PRDM1: variants seen among roughly 807,000 people sequenced by gnomAD.
The protein encoded by PRDM1 is PR domain zinc finger protein 1.
PRDM1 carries 13 observed loss-of-function variants against 62.8 expected under a neutral mutation model. The observed-to-expected ratio is 0.21, with a 90% CI of 0.13 to 0.33. The LOEUF (loss-of-function observed/expected upper bound fraction) is 0.33. Ranked by LOEUF, PRDM1 falls within the 10% of genes least tolerant of loss-of-function variation. The pLI is 1.00. For missense variants in PRDM1, 895 were observed against 1,058.8 expected, an observed-to-expected ratio of 0.85 and a Z score of 2.15; for synonymous variants, 396 against 417.6, an observed-to-expected ratio of 0.95 and a Z score of 0.63.
intron 3 of PRDM1, chr6:106,098,881 G>T: frequency 6.6e-7 from 1 of 1,511,774 alleles, no homozygotes; most frequent in Non-Finnish European, 8.9e-7. Flanking sequence ...TCGTCAGCCG[G>T]CTTGGTCTTC....
Position 106,109,296 on chromosome 6 carries a change from A to AT in PRDM1, c.*1820dup, listed in dbSNP as rs550792360. 2.6e-3 allele frequency: 546 copies of AT among 214,110 alleles called. No individual in the cohort carries two copies. The highest frequency in any genetic ancestry group is 7.6e-3 in the Middle Eastern group (5 of 656). The allele number at this position is 214,110 out of a possible 1,614,324, so 13.3% of individuals were successfully genotyped here. A position where few individuals can be genotyped will look rare whatever the true frequency, so the allele number is the denominator to read the frequency against. ...ATTAAGGACCATCTAAGACAGCTCT[A>AT]TTTTTTTTTTGCCACTTTATGATTA... On this transcript the variant is annotated 3_prime_UTR_variant, in exon 7 of 7. Coordinates refer to ENST00000369096, the MANE Select transcript of PRDM1 (RefSeq NM_001198.4).
intron 1 of PRDM1, among the ~76,000 whole-genome samples, chr6:105,999,768 T>G (rs1772405326): frequency 6.6e-6 from 1 of 152,226 alleles, no homozygotes; most frequent in Non-Finnish European, 1.5e-5. Flanking sequence ...TAAATGATAT[T>G]TGCAAAAATA....
At chr6:106,031,260 A>G (rs1582432132) in intron 1 of PRDM1, among the ~76,000 whole-genome samples, 1 of 152,304 alleles carries the variant, frequency 6.6e-6, no homozygotes, top group East Asian at 1.9e-4. Context: ...GCAGCTTGAG[A>G]TGTACAGAAA....
chr6:106,096,740 C>G (rs1160675568), intron 3 of PRDM1, among the ~76,000 whole-genome samples: 1 of 152,108 alleles, frequency 6.6e-6, no homozygotes, highest in Non-Finnish European at 1.5e-5. Flanking sequence ...TAGATGGAAT[C>G]CTTGAATAAA....
intron 1 of PRDM1, among the ~76,000 whole-genome samples, chr6:105,997,016 G>A (rs1473504679): frequency 6.6e-6 from 1 of 152,146 alleles, no homozygotes; most frequent in African/African-American, 2.4e-5. Flanking sequence ...ATCTGCCCTG[G>A]ACTACACACT....
chr6:106,102,628 A>C (rs1774305461), intron 4 of PRDM1, among the ~76,000 whole-genome samples: 2 of 152,234 alleles, frequency 1.3e-5, no homozygotes, highest in South Asian at 2.1e-4. Flanking sequence ...ACTTAAGAAG[A>C]ATCCCTGGCT....
intron 1 of PRDM1, chr6:106,072,232 G>A (rs1042400583): frequency 6.6e-6 from 1 of 152,216 alleles, no homozygotes; most frequent in Non-Finnish European, 1.5e-5. Context: ...GAAAAGAGAA[G>A]AGAAGTAAGG....
chr6:106,028,036 A>G (rs543324749), intron 1 of PRDM1, among the ~76,000 whole-genome samples: 1 of 152,338 alleles, frequency 6.6e-6, no homozygotes, highest in East Asian at 1.9e-4. Context: ...GCTCTTCTGC[A>G]TTCCTCTTCT....
chr6:106,042,892 C>A (rs193123910), intron 1 of PRDM1, among the ~76,000 whole-genome samples: 1 of 152,212 alleles, frequency 6.6e-6, no homozygotes, highest in Non-Finnish European at 1.5e-5. Context: ...CTCTTGTCAC[C>A]TAGGCTGGAA....
chr6:106,015,871 G>A (rs1772612931), intron 1 of PRDM1, among the ~76,000 whole-genome samples: 2 of 151,802 alleles, frequency 1.3e-5, no homozygotes, highest in South Asian at 4.2e-4. Flanking sequence ...CCATCTTCAA[G>A]TATGCTATTC....
rs1299824422 is a variant in PRDM1, at chr6:106,022,544, C to A, written c.-67+28905C>A. On this transcript the variant is annotated intron_variant, in intron 1 of 6. Coordinates refer to the PRDM1 transcript ENST00000652320. ...CTTGGGTTCAATTCTCCTGCCTCAG[C>A]CTCTCAAGTAGCTGGGGTTACAGGC... 8.6e-5 allele frequency among the ~76,000 whole-genome samples: 13 copies of A among 151,940 alleles called. 1 individual carries two copies. Among genetic ancestry groups the A allele is most frequent in the Admixed American group, 8.5e-4 (13 of 15,254 alleles).
intron 1 of PRDM1, among the ~76,000 whole-genome samples, chr6:106,014,058 ATTTT>A (rs71006664): frequency 4.8e-5 from 5 of 105,094 alleles, no homozygotes; most frequent in Non-Finnish European, 5.4e-5. Flanking sequence ...AGGACAAGGA[ATTTT>A]TTTTTTTTTT....
At chr6:105,993,362 T>C (rs1175273141), upstream of PRDM1, among the ~76,000 whole-genome samples, 1 of 152,214 alleles carries the variant, frequency 6.6e-6, no homozygotes, top group Non-Finnish European at 1.5e-5. Flanking sequence ...TTAAGCCACC[T>C]CTGGGTAGGC....
At chr6:106,055,336 G>A (rs1773247207) in intron 1 of PRDM1, among the ~76,000 whole-genome samples, 1 of 152,088 alleles carries the variant, frequency 6.6e-6, no homozygotes, top group Non-Finnish European at 1.5e-5. Context: ...ATTACTTTGG[G>A]AAGATACATA....
At chr6:106,053,479 T>A (rs906166322) in intron 1 of PRDM1, among the ~76,000 whole-genome samples, 1 of 151,758 alleles carries the variant, frequency 6.6e-6, no homozygotes, top group African/African-American at 2.4e-5. Context: ...GACCCCAATT[T>A]AGAAATACAT....
At chr6:106,001,733 C>T (rs1772426913) in intron 1 of PRDM1, among the ~76,000 whole-genome samples, 2 of 152,046 alleles carry the variant, frequency 1.3e-5, no homozygotes, top group Admixed American at 6.6e-5. Context: ...GAGAACATTG[C>T]TGTATGTCTT....
chr6:106,051,624 G>A (rs939364474), intron 1 of PRDM1, among the ~76,000 whole-genome samples: 7 of 152,204 alleles, frequency 4.6e-5, no homozygotes, highest in African/African-American at 7.2e-5. Flanking sequence ...TAGGATAGCT[G>A]GCATAACTTT....
chr6:106,098,813 G>A (rs1774183051), intron 3 of PRDM1: 2 of 1,518,752 alleles, frequency 1.3e-6, no homozygotes, highest in Non-Finnish European at 1.8e-6. Context: ...GCCTTGGGCG[G>A]GGGTGTAGGA....
chr6:105,996,188 T>C (rs1772346876), intron 1 of PRDM1, among the ~76,000 whole-genome samples: 1 of 152,176 alleles, frequency 6.6e-6, no homozygotes, highest in African/African-American at 2.4e-5. Context: ...AAGCAACTCT[T>C]CATCTAAATA....
Sources: gnomAD v4.1 joint callset for allele counts (sites outside exome capture counted in the v4.1 genomes callset) on GRCh38, gnomAD v4.1.1 for gene constraint, MANE v1.5 for transcripts, NCBI Gene and HGNC (gene_info 2026-07-23, HGNC 2026-07-21) for gene names.